SLTM: variants seen among roughly 807,000 people sequenced by gnomAD.
SLTM encodes SAFB like transcription modulator.
A neutral mutation model predicts 134.6 loss-of-function variants in SLTM; 43 were observed. That is an observed-to-expected ratio of 0.32 (90% CI 0.25 to 0.41). The LOEUF is 0.41. SLTM is among the 10% of genes least tolerant of loss of function. SLTM has a pLI of 1.00. For missense variants in SLTM, 1,055 were observed against 1,288.8 expected (o/e 0.82, Z 2.78); for synonymous variants, 424 against 432.3 (o/e 0.98, Z 0.24).
chr15:58,897,394 C>T, intron 8 of SLTM, 161 bp from the exon 9 acceptor site: 1 of 539,646 alleles, frequency 1.9e-6, no homozygotes, highest in Non-Finnish European at 3.3e-6. Context: ...GACAACATGA[C>T]TAGTGAGGGG....
At chr15:58,921,037 G>A (rs2037007136) in intron 2 of SLTM, among the ~76,000 whole-genome samples, 1 of 152,130 alleles carries the variant, frequency 6.6e-6, no homozygotes, top group Admixed American at 6.5e-5. Context: ...AAATTGCATA[G>A]TATGCACACT....
intron 2 of SLTM, among the ~76,000 whole-genome samples, chr15:58,922,513 G>A (rs1182119867): frequency 6.6e-5 from 9 of 136,904 alleles, no homozygotes; most frequent in South Asian, 2.2e-4. Flanking sequence ...TATTATATAC[G>A]TATAAAATTT....
rs1263932448 is a variant in SLTM at position 58,879,296 on chromosome 15, C to G, written c.*703G>C. 6.6e-6 allele frequency: 1 copy of G among 152,240 alleles called. No individual in the cohort carries two copies. Among genetic ancestry groups the G allele is most frequent in the African/African-American group, 2.4e-5 (1 of 41,440 alleles). The allele number at this position is 152,240 out of a possible 1,614,324, so 9.4% of individuals were successfully genotyped here. A position where few individuals can be genotyped will look rare whatever the true frequency, so the allele number is the denominator to read the frequency against. On this transcript the variant is annotated 3_prime_UTR_variant, in exon 21 of 21. Transcript: ENST00000380516. ...AACTCGGTCTAAGAACCTTGTGAAA[C>G]AAACCTCATGGCCAAGGTTTCATGA... is the stretch of plus-strand genomic sequence containing the variant.
chr15:58,911,328 C>T (rs2036254051), intron 5 of SLTM, among the ~76,000 whole-genome samples: 1 of 152,130 alleles, frequency 6.6e-6, no homozygotes, highest in Non-Finnish European at 1.5e-5. Context: ...AGCCCAAGTA[C>T]TCTTCTAGGA....
chr15:58,903,591 G>A (rs954786727), intron 5 of SLTM, among the ~76,000 whole-genome samples: 3 of 151,796 alleles, frequency 2.0e-5, no homozygotes, highest in Admixed American at 6.6e-5. Flanking sequence ...GACGCTAAAT[G>A]ATGAGTTAAC....
At chr15:58,897,073 G>A in intron 9 of SLTM, 42 bp downstream of exon 9, 1 of 1,133,616 alleles carries the variant, frequency 8.8e-7, no homozygotes, top group Non-Finnish European at 1.3e-6. Context: ...CATTTCAAAT[G>A]CAGACACCAG....
At chr15:58,926,537 TA>T (rs1369945950) in intron 2 of SLTM, among the ~76,000 whole-genome samples, 2 of 152,104 alleles carry the variant, frequency 1.3e-5, no homozygotes, top group Admixed American at 1.3e-4. Flanking sequence ...ATATCATATG[TA>T]AAATGCTACA....
At chr15:58,916,131 A>G (rs529002546) in intron 3 of SLTM, among the ~76,000 whole-genome samples, 1 of 151,570 alleles carries the variant, frequency 6.6e-6, no homozygotes, top group African/African-American at 2.4e-5. Context: ...TAGCTTATTT[A>G]TCTTTAAAGG....
At chr15:58,929,125 A>G (rs1287173433) in intron 2 of SLTM, among the ~76,000 whole-genome samples, 3 of 152,338 alleles carry the variant, frequency 2.0e-5, no homozygotes, top group African/African-American at 7.2e-5. Flanking sequence ...TAAGTAAAAC[A>G]AGATCTGGCA....
At chr15:58,892,124 G>C (rs1277150631) in intron 14 of SLTM, among the ~76,000 whole-genome samples, 1 of 152,204 alleles carries the variant, frequency 6.6e-6, no homozygotes, top group East Asian at 1.9e-4. Flanking sequence ...TGTCGTCAAT[G>C]AATGGATGAA....
At chr15:58,915,057 G>A (rs1262557617) in intron 3 of SLTM, among the ~76,000 whole-genome samples, 1 of 152,134 alleles carries the variant, frequency 6.6e-6, no homozygotes, top group African/African-American at 2.4e-5. Flanking sequence ...CGGGCCTGGT[G>A]CGGTAAGCCG....
chr15:58,900,861 T>G (rs2035438428), intron 6 of SLTM: 6 of 176,746 alleles, frequency 3.4e-5, no homozygotes, highest in South Asian at 1.3e-4. Context: ...TCCTGGTCAT[T>G]CATCATTTTT....
At chr15:58,890,207 G>T in intron 15 of SLTM, 74 bp downstream of exon 15, 1 of 1,548,170 alleles carries the variant, frequency 6.5e-7, no homozygotes, top group Non-Finnish European at 8.8e-7. Flanking sequence ...AACAAGTAAA[G>T]CAAGTTTTAG....
intron 19 of SLTM, among the ~76,000 whole-genome samples, chr15:58,886,230 T>A (rs1169041204): frequency 8.1e-4 from 98 of 121,690 alleles, no homozygotes; most frequent in African/African-American, 2.2e-3. Flanking sequence ...TGTGTGTGTG[T>A]GTGTGTGTGT....
chr15:58,885,201 A>G (rs8035628), intron 19 of SLTM, among the ~76,000 whole-genome samples: 109,960 of 152,080 alleles, frequency 0.72, 40,762 homozygotes, highest in Middle Eastern at 0.84. Context: ...ACAGAGTAGC[A>G]AACACAAAGA....
chr15:58,918,291 A>C (rs2036786642), intron 2 of SLTM, among the ~76,000 whole-genome samples: 1 of 152,150 alleles, frequency 6.6e-6, no homozygotes, highest in African/African-American at 2.4e-5. Flanking sequence ...CCAACGAATG[A>C]ACTTTTTTCC....
At chr15:58,884,105 A>G (rs1205856156) in intron 19 of SLTM, among the ~76,000 whole-genome samples, 7 of 151,966 alleles carry the variant, frequency 4.6e-5, no homozygotes, top group Non-Finnish European at 1.0e-4. Flanking sequence ...ATCTCAAAAA[A>G]AAAAAAAAGG....
intron 3 of SLTM, 43 bp downstream of exon 3, chr15:58,916,892 A>G: frequency 1.9e-6 from 3 of 1,550,286 alleles, no homozygotes; most frequent in Non-Finnish European, 2.7e-6. Flanking sequence ...GCAAAATACT[A>G]GGCTTAAAAT....
chr15:58,923,974 C>G (rs764926889), intron 2 of SLTM, among the ~76,000 whole-genome samples: 3 of 151,828 alleles, frequency 2.0e-5, no homozygotes, highest in Non-Finnish European at 4.4e-5. Flanking sequence ...GCCACCACAC[C>G]CAGCTAATTT....
Sources: allele counts gnomAD v4.1 joint callset (sites outside exome capture counted in the v4.1 genomes callset), GRCh38; gene constraint gnomAD v4.1.1; transcripts MANE v1.5; gene names NCBI Gene and HGNC (gene_info 2026-07-23, HGNC 2026-07-21).